The following PTPRT variants were observed in gnomAD, a reference collection of about 807,000 sequenced individuals.
PTPRT encodes receptor-type tyrosine-protein phosphatase T.
Under a neutral mutation model 176.8 loss-of-function variants are expected in PTPRT, and 56 were observed. The ratio of observed to expected loss-of-function variants is 0.32; its 90% CI spans 0.26 to 0.40. The LOEUF is 0.40. Among genes scored for constraint, PTPRT ranks in the 10% least tolerant of loss-of-function variants. The pLI, the probability that PTPRT is intolerant of heterozygous loss-of-function variation, is 1.00. For synonymous variants in PTPRT, 783 were observed against 739.0 expected (o/e 1.06, Z -0.96); for missense variants, 1,540 against 1,908.2 (o/e 0.81, Z 3.60).
chr20:42,039,789 C>T, the PTPRT span, among the ~76,000 whole-genome samples: 28 of 146,790 alleles, frequency 1.9e-4, no homozygotes, highest in Admixed American at 9.6e-4. Context: ...AGGTATTTTC[C>T]GTATATTCCA....
intron 1 of PTPRT, among the ~76,000 whole-genome samples, chr20:42,919,765 A>G (rs1979023566): frequency 6.6e-6 from 1 of 152,206 alleles, no homozygotes; most frequent in African/African-American, 2.4e-5. Context: ...TCAAATATAG[A>G]TTCCTGTCCA....
At chr20:43,017,859 C>G (rs1229858287) in intron 1 of PTPRT, among the ~76,000 whole-genome samples, 1 of 152,180 alleles carries the variant, frequency 6.6e-6, no homozygotes, top group African/African-American at 2.4e-5. Flanking sequence ...TGAGGCAGTG[C>G]GCAGAGCAAG....
chr20:42,048,063 G>A, the PTPRT span, among the ~76,000 whole-genome samples: 3 of 152,252 alleles, frequency 2.0e-5, no homozygotes, highest in South Asian at 2.1e-4. Flanking sequence ...GGGTTTCATA[G>A]GTTGAATTTC....
At chr20:42,273,251 T>A (rs955339812) in intron 13 of PTPRT, among the ~76,000 whole-genome samples, 2 of 152,182 alleles carry the variant, frequency 1.3e-5, no homozygotes, top group Non-Finnish European at 1.5e-5. Context: ...GTTTCACTCT[T>A]GTTGCCCAGG....
intron 1 of PTPRT, among the ~76,000 whole-genome samples, chr20:43,088,939 G>T (rs1382161119): frequency 1.3e-5 from 2 of 152,056 alleles, no homozygotes; most frequent in Non-Finnish European, 2.9e-5. Context: ...CAAGGAGAGG[G>T]GAGCAATGGC....
At chr20:42,502,790 C>T (rs546609816) in intron 7 of PTPRT, among the ~76,000 whole-genome samples, 1 of 152,192 alleles carries the variant, frequency 6.6e-6, no homozygotes, top group African/African-American at 2.4e-5. Flanking sequence ...AGTACATGTG[C>T]AAGAGTTTCT....
At chr20:42,700,015 A>C (rs937219122) in intron 6 of PTPRT, among the ~76,000 whole-genome samples, 1 of 152,118 alleles carries the variant, frequency 6.6e-6, no homozygotes, top group Non-Finnish European at 1.5e-5. Context: ...TCTCCCTGAC[A>C]ACAGCAGTGA....
At chr20:42,836,825 C>T (rs769317158) in intron 2 of PTPRT, among the ~76,000 whole-genome samples, 3 of 152,182 alleles carry the variant, frequency 2.0e-5, no homozygotes, top group South Asian at 2.1e-4. Flanking sequence ...TGCTATGTAA[C>T]GGCACTGTGC....
intron 9 of PTPRT, among the ~76,000 whole-genome samples, chr20:42,410,173 A>G (rs1035257320): frequency 3.3e-5 from 5 of 152,162 alleles, no homozygotes; most frequent in Non-Finnish European, 7.4e-5. Context: ...ATTCAAAAAT[A>G]TTGGTGAAAA....
chr20:42,395,960 C>T (rs1482508859), intron 9 of PTPRT, among the ~76,000 whole-genome samples: 1 of 152,130 alleles, frequency 6.6e-6, no homozygotes, highest in Non-Finnish European at 1.5e-5. Flanking sequence ...TCACCTCCTC[C>T]AGCTTTACGT....
chr20:42,057,849 G>C, the PTPRT span, among the ~76,000 whole-genome samples: 140 of 152,240 alleles, frequency 9.2e-4, no homozygotes, highest in African/African-American at 3.3e-3. Context: ...CCTGTGCTGG[G>C]ATTATAGGCA....
chr20:42,782,578 G>A (rs985423554), intron 3 of PTPRT, among the ~76,000 whole-genome samples: 2 of 152,172 alleles, frequency 1.3e-5, no homozygotes, highest in African/African-American at 4.8e-5. Context: ...CTCAACTTCT[G>A]CCTCAGCCCT....
intron 2 of PTPRT, among the ~76,000 whole-genome samples, chr20:42,824,221 C>T (rs1376572254): frequency 1.3e-5 from 2 of 151,976 alleles, no homozygotes; most frequent in Non-Finnish European, 2.9e-5. Context: ...ATTTTCAATT[C>T]GAATAAAACC....
At chr20:42,798,655 C>T (rs1481003967) in intron 2 of PTPRT, among the ~76,000 whole-genome samples, 1 of 152,006 alleles carries the variant, frequency 6.6e-6, no homozygotes, top group Non-Finnish European at 1.5e-5. Flanking sequence ...AAAAAAGATA[C>T]ATCCTGAAAC....
intron 1 of PTPRT, among the ~76,000 whole-genome samples, chr20:42,918,719 A>G (rs1416370667): frequency 1.3e-5 from 2 of 152,128 alleles, no homozygotes; most frequent in East Asian, 3.9e-4. Flanking sequence ...ACCAACTTTC[A>G]TTTGAGAGTT....
intron 1 of PTPRT, among the ~76,000 whole-genome samples, chr20:43,063,939 AG>A (rs1229167304): frequency 1.3e-5 from 2 of 152,130 alleles, no homozygotes; most frequent in Non-Finnish European, 2.9e-5. Flanking sequence ...TGGACTCCTC[AG>A]GAAATAAAAT....
intron 1 of PTPRT, among the ~76,000 whole-genome samples, chr20:43,126,512 T>C (rs1169922151): frequency 2.6e-5 from 4 of 152,220 alleles, no homozygotes; most frequent in Admixed American, 2.6e-4. Flanking sequence ...CCTGCACTGC[T>C]ATCTCTTTAT....
intron 4 of PTPRT, among the ~76,000 whole-genome samples, chr20:42,772,196 T>C (rs1187981172): frequency 6.6e-6 from 1 of 152,200 alleles, no homozygotes; most frequent in Non-Finnish European, 1.5e-5. Context: ...CTAGTAGCTG[T>C]CATTCTTAGC....
At chr20:43,157,782 C>G (rs1461880290) in intron 1 of PTPRT, among the ~76,000 whole-genome samples, 1 of 152,128 alleles carries the variant, frequency 6.6e-6, no homozygotes, top group African/African-American at 2.4e-5. Context: ...TAGGGAAGAA[C>G]AAGTAGAGCA....
Sources: allele counts gnomAD v4.1 joint callset (sites outside exome capture counted in the v4.1 genomes callset), GRCh38; gene constraint gnomAD v4.1.1; transcripts MANE v1.5; gene names NCBI Gene and HGNC (gene_info 2026-07-23, HGNC 2026-07-21).